DOCK5: variants seen among roughly 807,000 people sequenced by gnomAD.
DOCK5 encodes dedicator of cytokinesis 5.
Under a neutral mutation model 251.8 loss-of-function variants are expected in DOCK5, and 142 were observed. The ratio of observed to expected loss-of-function variants is 0.56; its 90% CI spans 0.49 to 0.65. The LOEUF (loss-of-function observed/expected upper bound fraction) is 0.65, where lower values mean the gene tolerates loss of function less well. Among genes scored for constraint, DOCK5 ranks in the 30% least tolerant of loss-of-function variants. The pLI is 0.00. For missense variants in DOCK5, 2,111 were observed against 2,312.3 expected (o/e 0.91, Z 1.79); for synonymous variants, 842 against 835.5 (o/e 1.01, Z -0.13).
intron 2 of DOCK5, among the ~76,000 whole-genome samples, chr8:25,244,051 C>A (rs868667897): frequency 6.6e-6 from 1 of 152,272 alleles, no homozygotes; most frequent in South Asian, 2.1e-4. Flanking sequence ...AGAGCTGGCT[C>A]GCGAGGAGAC....
chr8:25,371,807 C>T (rs1214748385), intron 34 of DOCK5, among the ~76,000 whole-genome samples: 2 of 152,300 alleles, frequency 1.3e-5, no homozygotes, highest in East Asian at 1.9e-4. Context: ...AATACGGATA[C>T]ATAGGTCTCC....
chr8:25,300,352 G>A (rs1804729999), intron 8 of DOCK5, among the ~76,000 whole-genome samples: 1 of 152,216 alleles, frequency 6.6e-6, no homozygotes, highest in Non-Finnish European at 1.5e-5. Flanking sequence ...TGTGGGGCAT[G>A]TCTTGCGGAG....
intron 9 of DOCK5, 111 bp from the exon 10 acceptor site, chr8:25,302,214 T>A: frequency 1.9e-5 from 26 of 1,344,540 alleles, no homozygotes; most frequent in East Asian, 2.7e-5. Context: ...TACTTCAGCA[T>A]TGAGAAATAA....
intron 2 of DOCK5, among the ~76,000 whole-genome samples, chr8:25,259,097 G>A (rs999146886): frequency 1.3e-5 from 2 of 152,190 alleles, no homozygotes; most frequent in African/African-American, 4.8e-5. Flanking sequence ...GCCAGTCTGG[G>A]TGACAGAGCG....
chr8:25,318,834 G>A (rs541059095), intron 14 of DOCK5, among the ~76,000 whole-genome samples: 1 of 152,030 alleles, frequency 6.6e-6, no homozygotes, highest in South Asian at 2.1e-4. Flanking sequence ...CTGTTGCATA[G>A]TTGTTTGAGG....
chr8:25,384,187 G>T (rs182977933), intron 40 of DOCK5, among the ~76,000 whole-genome samples: 1 of 152,142 alleles, frequency 6.6e-6, no homozygotes, highest in Admixed American at 6.5e-5. Context: ...AAAAGGCTGC[G>T]TACTCTGTGG....
intron 5 of DOCK5, among the ~76,000 whole-genome samples, chr8:25,281,893 A>C (rs1804204410): frequency 8.1e-6 from 1 of 123,076 alleles, no homozygotes; most frequent in Non-Finnish European, 1.7e-5. Context: ...AAAAAAGAAA[A>C]AAAAAAAAAA....
Position 25,368,599 on chromosome 8 carries a change from C to T in DOCK5, c.3312C>T (p.Ser1104=). The change falls in exon 33 of 52, where the codon TCC becomes TCT. Residue 1104 remains serine, a synonymous_variant. Coordinates refer to ENST00000276440, the MANE Select transcript of DOCK5 (RefSeq NM_024940.8). ...LGPHKIKFIP[S]MVGPILEVTL... ...CCCACAAAATCAAATTCATCCCATC[C>T]ATGGTGGGTCCCATTCTGGAGGTCA... 1.2e-6 allele frequency: 2 copies of T among 1,611,326 alleles called. No homozygotes were observed. The highest frequency in any genetic ancestry group is 1.7e-6 in the Non-Finnish European group (2 of 1,179,208).
chr8:25,250,899 G>A (rs1318657627), intron 2 of DOCK5, among the ~76,000 whole-genome samples: 1 of 152,174 alleles, frequency 6.6e-6, no homozygotes, highest in African/African-American at 2.4e-5. Flanking sequence ...GCAAGATATT[G>A]CAGCTGTCTT....
Position 25,299,195 on chromosome 8 carries a change from A to G in DOCK5, c.764+94A>G, listed in dbSNP as rs1272420512. 3 of 1,387,374 alleles carry G rather than the reference A, an allele frequency of 2.2e-6. No homozygotes were observed. The African/African-American group carries it at 4.4e-5, about 20-fold the overall frequency. The allele number at this position is 1,387,374 out of a possible 1,614,324, so 85.9% of individuals were successfully genotyped here. Reference sequence around the variant, plus strand: ...GGGCAGCTCTTTGCCAGATTTGAGAAGAGAAAATAGGGAAGCATGGAAGAT... The same window carrying G: ...GGGCAGCTCTTTGCCAGATTTGAGAGGAGAAAATAGGGAAGCATGGAAGAT... On this transcript the variant is annotated intron_variant, in intron 8 of 51. Coordinates refer to ENST00000276440, the MANE Select transcript of DOCK5 (RefSeq NM_024940.8).
At chr8:25,372,528 T>C (rs1202596782) in intron 34 of DOCK5, 31 bp from the exon 35 acceptor site, 5 of 1,546,776 alleles carry the variant, frequency 3.2e-6, no homozygotes, top group Non-Finnish European at 3.5e-6. Flanking sequence ...GCATGGAACC[T>C]GGGCTTTTGT....
chr8:25,399,692 T>A (rs1801403860), intron 45 of DOCK5, among the ~76,000 whole-genome samples: 1 of 152,214 alleles, frequency 6.6e-6, no homozygotes, highest in African/African-American at 2.4e-5. Context: ...CTGTTAAGAA[T>A]GTAGTTTTGC....
At chr8:25,309,751 G>C (rs1394031567) in intron 12 of DOCK5, among the ~76,000 whole-genome samples, 1 of 151,990 alleles carries the variant, frequency 6.6e-6, no homozygotes, top group Non-Finnish European at 1.5e-5. Context: ...AACTCGGGAG[G>C]CAAAAGTTTC....
Position 25,268,889 on chromosome 8 carries a change from T to C in DOCK5, c.168+4T>C, listed in dbSNP as rs1336126030. 6.4e-7 allele frequency: 1 copy of C among 1,558,544 alleles called. No homozygotes were observed. The highest frequency in any genetic ancestry group is 1.2e-5 in the South Asian group (1 of 83,172). ...CCTCCAAAATAAATCTAAAAAGGTA[T>C]GACTTATCATTCACTTTTTAATTTC... On this transcript the variant is annotated splice_donor_region_variant and intron_variant, in intron 3 of 51. Transcript: ENST00000276440.
rs774047788 is a variant in DOCK5 at position 25,366,929 on chromosome 8, T to G, written c.3183T>G (p.Leu1061=). The G allele has an allele frequency of 4.3e-5, 70 of 1,613,800 alleles. No individual in the cohort carries two copies. The highest frequency in any genetic ancestry group is 5.8e-5 in the Non-Finnish European group (68 of 1,179,828). The part of the protein sequence containing the change: ...VAFLTHESLQ[L]ETFSQAKRNK... ...TTCTCACCCATGAGTCCCTTCAGCT[T>G]GAAACCTTCTCACAAGCCAAGCGCA... The change falls in exon 31 of 52, where the codon CTT becomes CTG. Residue 1061 remains leucine, a synonymous_variant. Coordinates refer to ENST00000276440, the MANE Select transcript of DOCK5 (RefSeq NM_024940.8).
chr8:25,218,435 C>T (rs1010783170), intron 1 of DOCK5, among the ~76,000 whole-genome samples: 20 of 152,208 alleles, frequency 1.3e-4, no homozygotes, highest in African/African-American at 4.3e-4. Flanking sequence ...TTTTATTTCA[C>T]GCTGCTTGCC....
Position 25,304,280 on chromosome 8 carries a change from TG to T in DOCK5, c.1005del (p.Lys336ArgfsTer32). ...AVMDITDIIH[G>X]KVDDEEKQHF... ...TGATGGATATTACTGATATCATACATGGGAAGGTGGATGATGAAGAAAAGCA... is the reference window on the plus strand; with the variant it reads ...TGATGGATATTACTGATATCATACATGGAAGGTGGATGATGAAGAAAAGCA... On this transcript the variant is annotated frameshift_variant, in exon 11 of 52. Coordinates refer to ENST00000276440, the MANE Select transcript of DOCK5 (RefSeq NM_024940.8). LOFTEE classifies it high-confidence loss of function. 1 of 1,610,822 alleles carries T rather than the reference TG, an allele frequency of 6.2e-7. No homozygotes were observed. The highest frequency in any genetic ancestry group is 1.1e-5 in the South Asian group (1 of 90,234).
At chr8:25,391,747 A>G (rs556018791) in intron 42 of DOCK5, 149 bp from the exon 43 acceptor site, 51 of 528,562 alleles carry the variant, frequency 9.6e-5, no homozygotes, top group African/African-American at 9.6e-4. Context: ...ACACTTTCTC[A>G]GGCCTTCATG....
intron 2 of DOCK5, among the ~76,000 whole-genome samples, chr8:25,244,334 A>G (rs537062537): frequency 2.6e-5 from 4 of 152,330 alleles, no homozygotes; most frequent in South Asian, 4.1e-4. Flanking sequence ...TTGTCTGCCA[A>G]GCATTGGTCA....
Sources: allele counts gnomAD v4.1 joint callset (sites outside exome capture counted in the v4.1 genomes callset), GRCh38; gene constraint gnomAD v4.1.1; transcripts MANE v1.5; gene names NCBI Gene and HGNC (gene_info 2026-07-23, HGNC 2026-07-21).